Variants in FGFR2 observed in about 807,000 individuals in gnomAD.
FGFR2 encodes the protein BEK fibroblast growth factor receptor.
Under a neutral mutation model 95.9 loss-of-function variants are expected in FGFR2, and 19 were observed. The ratio of observed to expected loss-of-function variants is 0.20; its 90% CI spans 0.14 to 0.29. The LOEUF (loss-of-function observed/expected upper bound fraction) is 0.29. FGFR2 is among the 10% of genes least tolerant of loss of function. FGFR2 has a pLI of 1.00. For missense variants in FGFR2, 707 were observed against 1,056.9 expected, an observed-to-expected ratio of 0.67 and a Z score of 4.59; for synonymous variants, 392 against 393.3, an observed-to-expected ratio of 1.00 and a Z score of 0.04.
At position 121,487,760 on chromosome 10, in the gene FGFR2, G is replaced by A. The variant is rs186054730; in HGVS notation, c.1986+231C>T. ...ATGAGAACCATAAGAAAATCCTAGC[G>A]GTTGCTGATTATTCTGTATATAAGT... On this transcript the variant is annotated intron_variant, in intron 14 of 17. Coordinates refer to ENST00000358487, the MANE Select transcript of FGFR2 (RefSeq NM_000141.5). Among the ~76,000 whole-genome samples, 344 of 152,242 alleles carry A rather than the reference G, an allele frequency of 2.3e-3. 1 individual carries two copies. Among genetic ancestry groups the A allele is most frequent in the Middle Eastern group, 6.8e-3 (2 of 294 alleles).
At chr10:121,500,224 T>C (rs973993944) in intron 11 of FGFR2, among the ~76,000 whole-genome samples, 1 of 152,180 alleles carries the variant, frequency 6.6e-6, no homozygotes, top group African/African-American at 2.4e-5. Flanking sequence ...AACGTAGAAG[T>C]GTTCACAGTC....
intron 4 of FGFR2, among the ~76,000 whole-genome samples, chr10:121,555,929 C>T (rs1429656767): frequency 6.6e-6 from 1 of 152,182 alleles, no homozygotes; most frequent in Non-Finnish European, 1.5e-5. Context: ...TATTCCCACC[C>T]TAGAGCCAAG....
chr10:121,539,361 C>T (rs1853350539), intron 5 of FGFR2, among the ~76,000 whole-genome samples: 1 of 152,176 alleles, frequency 6.6e-6, no homozygotes, highest in Non-Finnish European at 1.5e-5. Context: ...GGCAATGAAT[C>T]CTTACAAAAC....
At chr10:121,584,338 C>T (rs1006626776) in intron 2 of FGFR2, among the ~76,000 whole-genome samples, 1 of 151,698 alleles carries the variant, frequency 6.6e-6, no homozygotes, top group Non-Finnish European at 1.5e-5. Context: ...CACACCACAC[C>T]GCACCCCACC....
In FGFR2 at chr10:121,544,805, TG is replaced by T. The variant is rs201080231; in HGVS notation, c.625-6091del. On this transcript the variant is annotated intron_variant, in intron 5 of 17. Transcript: ENST00000358487. ...CTACTAAACTTGATAATGACTTAAA[TG>T]GTAGATTTTATGTTATGCATATATT... is the stretch of plus-strand genomic sequence containing the variant. 5.7e-3 allele frequency among the ~76,000 whole-genome samples: 868 copies of T among 152,282 alleles called. 12 individuals are homozygous for T. Among genetic ancestry groups the T allele is most frequent in the African/African-American group, 0.02 (816 of 41,560 alleles).
At chr10:121,501,892 C>T (rs1446609986) in intron 10 of FGFR2, among the ~76,000 whole-genome samples, 3 of 152,194 alleles carry the variant, frequency 2.0e-5, no homozygotes, top group African/African-American at 4.8e-5. Context: ...TATGTCCCAC[C>T]GCCTTGCTAC....
chr10:121,551,253 A>C lies in FGFR2; in HGVS notation c.624+37T>G, dbSNP rs754731319. 4.3e-6 allele frequency: 7 copies of C among 1,609,712 alleles called. No individual in the cohort carries two copies. The South Asian group carries it at 7.7e-5, about 18-fold the overall frequency. The stretch of plus-strand genomic sequence containing the variant: ...AATGTAAATAAATAAATAAACAAAA[A>C]TGTAAGAAATGTGATGTTCTGAAAG... On this transcript the variant is annotated intron_variant, in intron 5 of 17. Coordinates refer to ENST00000358487, the MANE Select transcript of FGFR2 (RefSeq NM_000141.5).
chr10:121,480,473 G>A, intron 17 of FGFR2: 1 of 275,794 alleles, frequency 3.6e-6, no homozygotes, highest in South Asian at 7.9e-5. Context: ...CCGGTAACAT[G>A]TTGTGGGTCC....
rs1335321965 is a variant in FGFR2 at position 121,518,323 on chromosome 10, C to T, written c.940-860G>A. ...TAGAAGGAGACAAACTCTGCTGATA[C>T]TCAAATGCCCCGTATTAAACAGGCA... On this transcript the variant is annotated intron_variant, in intron 7 of 17. Coordinates refer to ENST00000358487, the MANE Select transcript of FGFR2 (RefSeq NM_000141.5). The surrounding 1 kb of genome is among the most constrained non-coding windows in gnomAD (Gnocchi z 4.0). Among the ~76,000 whole-genome samples, 1 of 152,188 alleles carries T rather than the reference C, an allele frequency of 6.6e-6. No homozygotes were observed. The highest frequency in any genetic ancestry group is 2.4e-5 in the African/African-American group (1 of 41,442).
At position 121,534,595 on chromosome 10, in the gene FGFR2, C is replaced by T. The variant is rs193295306; in HGVS notation, c.748+3997G>A. Among the ~76,000 whole-genome samples the T allele has an allele frequency of 5.1e-3, 777 of 152,004 alleles. 4 individuals are homozygous for T. The highest frequency in any genetic ancestry group is 9.0e-3 in the Non-Finnish European group (611 of 67,980). On this transcript the variant is annotated intron_variant, in intron 6 of 17. Coordinates refer to ENST00000358487, the MANE Select transcript of FGFR2 (RefSeq NM_000141.5). The stretch of plus-strand genomic sequence containing the variant: ...ATTTTTAGTAGAAACGAGGTTTCAC[C>T]ATGTTGACCAGGCTGGTCTCTAACT...
At chr10:121,509,373 G>A (rs747701809) in intron 9 of FGFR2, among the ~76,000 whole-genome samples, 5 of 147,770 alleles carry the variant, frequency 3.4e-5, no homozygotes, top group Non-Finnish European at 7.4e-5. Context: ...AAGTAAATGT[G>A]CTTTTCGTAC....
intron 9 of FGFR2, among the ~76,000 whole-genome samples, chr10:121,507,636 G>A (rs1323004003): frequency 6.6e-6 from 1 of 152,114 alleles, no homozygotes; most frequent in Non-Finnish European, 1.5e-5. Flanking sequence ...CAGCATTAAT[G>A]TGATGATAAA....
intron 2 of FGFR2, among the ~76,000 whole-genome samples, chr10:121,587,348 G>A (rs2135421297): frequency 6.6e-6 from 1 of 152,266 alleles, no homozygotes; most frequent in African/African-American, 2.4e-5. Context: ...ATAGGAATGG[G>A]CAAAGATTTC....
chr10:121,509,076 A>C (rs1335687163), intron 9 of FGFR2, among the ~76,000 whole-genome samples: 1 of 152,204 alleles, frequency 6.6e-6, no homozygotes, highest in Admixed American at 6.5e-5. Flanking sequence ...CTTCTTTAGC[A>C]CTATTAAATT....
chr10:121,492,487 G>A (rs751345681), intron 13 of FGFR2, among the ~76,000 whole-genome samples: 2 of 152,212 alleles, frequency 1.3e-5, no homozygotes, highest in African/African-American at 4.8e-5. Flanking sequence ...TCGGCCCAGC[G>A]CTGAGCACAG....
Position 121,482,089 on chromosome 10 carries a change from G to A in FGFR2, c.2301+1609C>T, listed in dbSNP as rs930335553. ...CCTGACCTCATGATCCGCCTGCCTC[G>A]GCCTCCCAAAGTGCTGGGATTACAG... On this transcript the variant is annotated intron_variant, in intron 17 of 17. Transcript: ENST00000358487. The A allele has an allele frequency of 4.3e-5, 52 of 1,196,956 alleles. No homozygotes were observed. The East Asian group carries it at 6.6e-4, about 15-fold the overall frequency. 74.1% of individuals were successfully genotyped at this position (1,196,956 alleles called of 1,614,324 possible).
chr10:121,483,917 CT>C, intron 16 of FGFR2, 114 bp from the exon 17 acceptor site: 2 of 771,848 alleles, frequency 2.6e-6, no homozygotes, highest in Admixed American at 4.1e-5. Flanking sequence ...GCATCAGAAC[CT>C]TCCAAGCAAC....
At chr10:121,597,774 G>A (rs1250779616) in intron 1 of FGFR2, among the ~76,000 whole-genome samples, 188 bp downstream of exon 1, 2 of 152,226 alleles carry the variant, frequency 1.3e-5, no homozygotes, top group Non-Finnish European at 2.9e-5. Context: ...CCAGAACGCC[G>A]GCCGTCAGCA....
intron 2 of FGFR2, among the ~76,000 whole-genome samples, chr10:121,588,112 G>C (rs543513277): frequency 3.9e-5 from 6 of 152,248 alleles, no homozygotes; most frequent in Non-Finnish European, 7.4e-5. Context: ...TGGAGCTAGA[G>C]GCCATTATCC....
Sources: gnomAD v4.1 joint callset for allele counts (sites outside exome capture counted in the v4.1 genomes callset) on GRCh38, gnomAD v4.1.1 for gene constraint, Gnocchi (gnomAD v3.1) non-coding constraint, MANE v1.5 for transcripts, NCBI Gene and HGNC (gene_info 2026-07-23, HGNC 2026-07-21) for gene names.